LMNB2: variants seen among roughly 807,000 people sequenced by gnomAD.
The protein encoded by LMNB2 is lamin B2, also known as lamin-B2.
Under a neutral mutation model 69.3 loss-of-function variants are expected in LMNB2, and 17 were observed. That is an observed-to-expected ratio of 0.25 (90% confidence interval 0.17 to 0.37). The LOEUF (loss-of-function observed/expected upper bound fraction) is 0.37. LMNB2 is among the 10% of genes least tolerant of loss of function. The pLI is 1.00. For missense variants in LMNB2, 789 were observed against 883.6 expected (o/e 0.89, Z 1.36); for synonymous variants, 397 against 389.3 (o/e 1.02, Z -0.23).
intron 7 of LMNB2, 70 bp downstream of exon 7, chr19:2,434,225 C>A: frequency 5.7e-6 from 9 of 1,570,654 alleles, no homozygotes; most frequent in Non-Finnish European, 7.8e-6. Flanking sequence ...CCCGCAGCCC[C>A]GTCCCGCCTC....
intron 2 of LMNB2, among the ~76,000 whole-genome samples, chr19:2,439,035 C>CTTTTTTTTTTTT (rs397945879): frequency 3.0e-5 from 2 of 65,710 alleles, no homozygotes; most frequent in African/African-American, 1.3e-4. Context: ...GGCACTTAAG[C>CTTTTTTTTTTTT]TTTTTTTTTT....
Position 2,433,978 on chromosome 19 carries a change from G to T in LMNB2, c.1330C>A (p.Pro444Thr), listed in dbSNP as rs1052683855. The change falls in exon 8 of 12, where the codon CCC becomes ACC. Residue 444 changes from proline to threonine, a missense_variant. Pro to Thr is a conservative substitution (Grantham distance 38). Transcript: ENST00000325327. ...AGGACGCTTGGGCCGCTGCCCAAGG[G>T]CTCCTCCACCTCCAGCCGCTTCCGC... ...SKRKRLEVEE[P>T]LGSGPSVLGT... 6.2e-7 allele frequency: 1 copy of T among 1,610,606 alleles called. No homozygotes were observed. The highest frequency in any genetic ancestry group is 2.2e-5 in the East Asian group (1 of 44,868).
intron 8 of LMNB2, among the ~76,000 whole-genome samples, chr19:2,432,796 T>C (rs1362825620): frequency 6.8e-6 from 1 of 146,520 alleles, no homozygotes; most frequent in Non-Finnish European, 1.5e-5. Context: ...CTGCCTCGCA[T>C]TGGCCGGCAG....
rs972182092 is a variant in LMNB2 at position 2,429,215 on chromosome 19, T to C, written c.*1696A>G. On this transcript the variant is annotated 3_prime_UTR_variant, in exon 12 of 12. Coordinates refer to ENST00000325327, the MANE Select transcript of LMNB2 (RefSeq NM_032737.4). Reference sequence around the variant, plus strand: ...CGAAGCCCAGCCAGTCGGGTCCGGGTGATTCCTGCTATGAAGGTGGGAAAG... The same window carrying C: ...CGAAGCCCAGCCAGTCGGGTCCGGGCGATTCCTGCTATGAAGGTGGGAAAG... 6.6e-6 allele frequency: 1 copy of C among 152,062 alleles called. No homozygotes were observed. Among genetic ancestry groups the C allele is most frequent in the African/African-American group, 2.4e-5 (1 of 41,362 alleles). The allele number at this position is 152,062 out of a possible 1,614,324, so 9.4% of individuals were successfully genotyped here.
intron 9 of LMNB2, 94 bp from the exon 10 acceptor site, chr19:2,431,996 G>T: frequency 6.8e-7 from 1 of 1,476,172 alleles, no homozygotes; most frequent in Non-Finnish European, 9.1e-7. Flanking sequence ...CCCCTTCAAT[G>T]CCCTGGGCGT....
chr19:2,432,390 C>A, intron 9 of LMNB2, 26 bp downstream of exon 9: 1 of 1,596,412 alleles, frequency 6.3e-7, no homozygotes, highest in African/African-American at 1.3e-5. Flanking sequence ...CCGTGGCCAC[C>A]CTCGCCCTCC....
chr19:2,440,511 T>C (rs1971886073), intron 2 of LMNB2, among the ~76,000 whole-genome samples: 1 of 152,188 alleles, frequency 6.6e-6, no homozygotes, highest in African/African-American at 2.4e-5. Flanking sequence ...TATATCTATC[T>C]ATTGCTCTAT....
At chr19:2,432,341 C>G in intron 9 of LMNB2, 75 bp downstream of exon 9, 5 of 807,276 alleles carry the variant, frequency 6.2e-6, no homozygotes, top group Non-Finnish European at 8.2e-6. Context: ...CCCGCCAAGT[C>G]CTGTGCCTCC....
intron 1 of LMNB2, among the ~76,000 whole-genome samples, chr19:2,452,622 A>G (rs1348522814): frequency 6.6e-6 from 1 of 151,716 alleles, no homozygotes; most frequent in Non-Finnish European, 1.5e-5. Flanking sequence ...GCTACTTAGG[A>G]GGGTGAGGCA....
At chr19:2,438,014 A>C in intron 4 of LMNB2, 149 bp downstream of exon 4, 3 of 1,183,028 alleles carry the variant, frequency 2.5e-6, no homozygotes, top group Non-Finnish European at 3.7e-6. Flanking sequence ...GCCGAAGCCA[A>C]GGGCACCCTA....
At chr19:2,436,500 C>T (rs1171086233) in intron 4 of LMNB2, among the ~76,000 whole-genome samples, 8 of 151,622 alleles carry the variant, frequency 5.3e-5, no homozygotes, top group Admixed American at 2.0e-4. Flanking sequence ...CTGCGGGCCG[C>T]GCACCCACCT....
At chr19:2,433,212 T>C (rs376019430) in intron 8 of LMNB2, among the ~76,000 whole-genome samples, 80 of 34,570 alleles carry the variant, frequency 2.3e-3, no homozygotes, top group South Asian at 5.6e-3. Context: ...CCCTGCCTCG[T>C]ATTGGCCGGC....
At chr19:2,441,303 G>T (rs527319281) in intron 2 of LMNB2, among the ~76,000 whole-genome samples, 1 of 152,380 alleles carries the variant, frequency 6.6e-6, no homozygotes, top group South Asian at 2.1e-4. Context: ...CGCTGGACCT[G>T]GTGTAGCCAG....
At chr19:2,431,392 G>A (rs1051040882) in intron 11 of LMNB2, among the ~76,000 whole-genome samples, 156 bp downstream of exon 11, 9 of 152,160 alleles carry the variant, frequency 5.9e-5, no homozygotes, top group African/African-American at 1.9e-4. Flanking sequence ...GGTCTCTGCC[G>A]TGCTGGTAAC....
chr19:2,444,141 T>C (rs1478847605), intron 2 of LMNB2, among the ~76,000 whole-genome samples: 2 of 152,140 alleles, frequency 1.3e-5, no homozygotes, highest in African/African-American at 4.8e-5. Context: ...CAGGAAGCCC[T>C]CTCTGGGGAG....
At chr19:2,431,233 C>T (rs1050874160) in intron 11 of LMNB2, among the ~76,000 whole-genome samples, 2 of 152,220 alleles carry the variant, frequency 1.3e-5, no homozygotes, top group Non-Finnish European at 2.9e-5. Context: ...ATTGAAGGGA[C>T]CTGTGTCTTC....
intron 1 of LMNB2, among the ~76,000 whole-genome samples, chr19:2,450,893 G>A (rs1397456155): frequency 6.7e-6 from 1 of 149,900 alleles, no homozygotes; most frequent in Admixed American, 6.7e-5. Context: ...GCCTCCCAAA[G>A]TGCTGGGATT....
chr19:2,451,427 C>T (rs1972019972), intron 1 of LMNB2, among the ~76,000 whole-genome samples: 1 of 152,208 alleles, frequency 6.6e-6, no homozygotes, highest in African/African-American at 2.4e-5. Flanking sequence ...CAGATGCAGA[C>T]AGTCTGGCCT....
chr19:2,431,754 C>G (rs753609214), intron 10 of LMNB2, 29 bp downstream of exon 10: 1 of 1,613,580 alleles, frequency 6.2e-7, no homozygotes. Flanking sequence ...GGACTCCAGC[C>G]GAGCACCCCC....
Sources: gnomAD v4.1 joint callset for allele counts (sites outside exome capture counted in the v4.1 genomes callset) on GRCh38, gnomAD v4.1.1 for gene constraint, MANE v1.5 for transcripts, NCBI Gene and HGNC (gene_info 2026-07-23, HGNC 2026-07-21) for gene names.